The following CCDC192 variants were observed in gnomAD, a reference collection of about 807,000 sequenced individuals.
CCDC192 encodes coiled-coil domain containing 192.
chr5:127,833,237 C>T (rs1035417016), intron 5 of CCDC192, among the ~76,000 whole-genome samples: 1 of 152,068 alleles, frequency 6.6e-6, no homozygotes, highest in Non-Finnish European at 1.5e-5. Flanking sequence ...ATAATTTATA[C>T]CTCTACTCTA....
At chr5:127,903,180 G>T (rs1753092921) in intron 6 of CCDC192, among the ~76,000 whole-genome samples, 1 of 152,036 alleles carries the variant, frequency 6.6e-6, no homozygotes, top group South Asian at 2.1e-4. Flanking sequence ...ATCCCAGCAG[G>T]ATAAGAACTC....
chr5:127,766,825 A>G (rs918705837), intron 3 of CCDC192, among the ~76,000 whole-genome samples: 48 of 152,210 alleles, frequency 3.2e-4, no homozygotes, highest in African/African-American at 1.0e-3. Flanking sequence ...TGGAACCCAC[A>G]CACTCTCTAA....
chr5:127,939,710 C>T (rs1456562635), intron 6 of CCDC192, among the ~76,000 whole-genome samples: 8 of 149,420 alleles, frequency 5.4e-5, no homozygotes, highest in South Asian at 4.2e-4. Flanking sequence ...TTTGCCTGCG[C>T]GCACTACTAC....
At chr5:127,868,912 G>T (rs532931602) in intron 5 of CCDC192, among the ~76,000 whole-genome samples, 5 of 152,162 alleles carry the variant, frequency 3.3e-5, no homozygotes, top group Non-Finnish European at 7.3e-5. Context: ...AGACCGCAGA[G>T]ATTTAAATTG....
chr5:127,788,328 TATA>T (rs1173943228), intron 3 of CCDC192, among the ~76,000 whole-genome samples: 2 of 152,288 alleles, frequency 1.3e-5, no homozygotes, highest in African/African-American at 4.8e-5. Context: ...TGACTATGAA[TATA>T]GTCACATTGG....
Position 127,857,065 on chromosome 5 carries a change from TA to T in CCDC192, c.412-18470del, listed in dbSNP as rs1751133437. On this transcript the variant is annotated intron_variant, in intron 5 of 6. Transcript: ENST00000514853. ...GTGTTGTCTGAGAAGAGCAATAAAG[TA>T]AAGCATAATAAAACAAAATATGCCT... Among the ~76,000 whole-genome samples the T allele has an allele frequency of 2.0e-5, 3 of 152,288 alleles. No individual in the cohort carries two copies. The South Asian group carries it at 6.2e-4, about 32-fold the overall frequency.
At chr5:127,859,740 C>G (rs945435150) in intron 5 of CCDC192, among the ~76,000 whole-genome samples, 2 of 152,020 alleles carry the variant, frequency 1.3e-5, no homozygotes, top group African/African-American at 4.8e-5. Flanking sequence ...CTTAAATGTC[C>G]TTCCATATTT....
rs375369394 is a variant in CCDC192, at chr5:127,710,618, AAAAC to A, written c.114+2864_114+2867del. Among the ~76,000 whole-genome samples, 39 of 152,340 alleles carry A rather than the reference AAAAC, an allele frequency of 2.6e-4. No homozygotes were observed. In the South Asian group the frequency reaches 5.6e-3, roughly 22 times the overall value. Reference sequence around the variant, plus strand: ...GCTCTCGATCGATATCATTTGAAATAAAACAAACAGACTGAGCTCCAGGCGTAGT... The same window carrying A: ...GCTCTCGATCGATATCATTTGAAATAAAACAGACTGAGCTCCAGGCGTAGT... On this transcript the variant is annotated intron_variant, in intron 2 of 6. Transcript: ENST00000514853.
chr5:127,885,440 A>C (rs1425998001), intron 6 of CCDC192, among the ~76,000 whole-genome samples: 1 of 152,208 alleles, frequency 6.6e-6, no homozygotes, highest in East Asian at 1.9e-4. Flanking sequence ...GGTTGCAAAC[A>C]ATTGGCAGCC....
intron 5 of CCDC192, among the ~76,000 whole-genome samples, chr5:127,853,031 AG>A (rs1750869721): frequency 6.6e-6 from 1 of 152,118 alleles, no homozygotes; most frequent in Admixed American, 6.5e-5. Flanking sequence ...CGGAGCTTGC[AG>A]TGAGCTGAGA....
intron 6 of CCDC192, among the ~76,000 whole-genome samples, chr5:127,900,298 G>A (rs1425727044): frequency 6.6e-6 from 1 of 152,170 alleles, no homozygotes; most frequent in Non-Finnish European, 1.5e-5. Context: ...TTTAAAGCAG[G>A]GTAGCATCCT....
chr5:127,925,498 C>T (rs1477799872), intron 6 of CCDC192, among the ~76,000 whole-genome samples: 1 of 152,194 alleles, frequency 6.6e-6, no homozygotes, highest in Non-Finnish European at 1.5e-5. Context: ...GCAGACACAT[C>T]CCTGTCCCTC....
At chr5:127,940,832 G>T in intron 6 of CCDC192, 1 of 178,972 alleles carries the variant, frequency 5.6e-6, no homozygotes, top group Non-Finnish European at 1.2e-5. Context: ...GATTCTTAGG[G>T]AAAAGAATAA....
intron 6 of CCDC192, among the ~76,000 whole-genome samples, chr5:127,938,485 T>C (rs1316912113): frequency 1.3e-5 from 2 of 152,144 alleles, no homozygotes; most frequent in Admixed American, 1.3e-4. Flanking sequence ...CAGAGAGAGC[T>C]CATCTGGAAG....
intron 6 of CCDC192, among the ~76,000 whole-genome samples, chr5:127,896,168 G>C (rs1282507922): frequency 2.0e-5 from 3 of 152,062 alleles, no homozygotes; most frequent in Non-Finnish European, 4.4e-5. Context: ...GGTGGGTGTG[G>C]TGGCTCCCTC....
chr5:127,863,885 A>T (rs1363060429), intron 5 of CCDC192, among the ~76,000 whole-genome samples: 3 of 152,218 alleles, frequency 2.0e-5, no homozygotes, highest in African/African-American at 7.2e-5. Context: ...ATTAAGGAGC[A>T]TATTATTCAT....
intron 6 of CCDC192, among the ~76,000 whole-genome samples, chr5:127,880,438 T>G (rs12332206): frequency 0.71 from 87,345 of 122,212 alleles, 31,220 homozygotes; most frequent in African/African-American, 0.82. Context: ...AATATCACAC[T>G]CTGGGGACTG....
intron 3 of CCDC192, among the ~76,000 whole-genome samples, chr5:127,779,727 T>TA (rs1252874060): frequency 2.0e-4 from 31 of 152,318 alleles, no homozygotes; most frequent in African/African-American, 5.5e-4. Context: ...GTTCTTTTTT[T>TA]AAAAAATGTT....
At chr5:127,931,226 G>A (rs73786968) in intron 6 of CCDC192, among the ~76,000 whole-genome samples, 8,868 of 152,146 alleles carry the variant, frequency 0.058, 847 homozygotes, top group African/African-American at 0.2. Context: ...CTACCCATAG[G>A]AAGGAAAAGA....
Sources: allele counts gnomAD v4.1 joint callset (sites outside exome capture counted in the v4.1 genomes callset), GRCh38; gene constraint gnomAD v4.1.1; transcripts MANE v1.5; gene names NCBI Gene and HGNC (gene_info 2026-07-23, HGNC 2026-07-21).